DHRSX: variants seen among roughly 807,000 people sequenced by gnomAD.
The protein encoded by DHRSX is dehydrogenase/reductase X-linked, also known as polyprenol dehydrogenase.
Under a neutral mutation model 34.0 loss-of-function variants are expected in DHRSX, and 31 were observed. The ratio of observed to expected loss-of-function variants is 0.91; its 90% confidence interval spans 0.69 to 1.23. The LOEUF is 1.23. DHRSX is among the 50% of genes most tolerant of loss of function. DHRSX has a pLI of 0.00. For synonymous variants in DHRSX, 201 were observed against 183.8 expected, an observed-to-expected ratio of 1.09 and a Z score of -0.76; for missense variants, 414 against 428.1, an observed-to-expected ratio of 0.97 and a Z score of 0.29.
chrX:2,363,495 C>T (rs113445968), intron 3 of DHRSX, among the ~76,000 whole-genome samples: 38,935 of 116,424 alleles, frequency 0.33, 9,570 homozygotes, highest in Non-Finnish European at 0.47. Flanking sequence ...ATTTTATCAC[C>T]GTTCTATGGT....
At chrX:2,302,888 G>A (rs892453877) in intron 3 of DHRSX, among the ~76,000 whole-genome samples, 2 of 151,702 alleles carry the variant, frequency 1.3e-5, no homozygotes, top group African/African-American at 4.8e-5. Context: ...TTGTATCTAC[G>A]GCAGTTATCA....
chrX:2,381,286 G>C (rs1325129236), intron 3 of DHRSX, among the ~76,000 whole-genome samples: 2 of 152,102 alleles, frequency 1.3e-5, no homozygotes, highest in East Asian at 3.9e-4. Flanking sequence ...CTTCTAAAAG[G>C]GACCCCAGAG....
In DHRSX at chrX:2,372,998, C is replaced by G. The variant is rs6641963; in HGVS notation, c.286+35747G>C. Reference sequence around the variant, plus strand: ...TTCTCACGCTGCTGATAGACATACCCGAGACGGGGTAATTTATAAAGAAAA... The same window carrying G: ...TTCTCACGCTGCTGATAGACATACCGGAGACGGGGTAATTTATAAAGAAAA... On this transcript the variant is annotated intron_variant, in intron 3 of 6. Coordinates refer to ENST00000334651, the MANE Select transcript of DHRSX (RefSeq NM_145177.3). Among the ~76,000 whole-genome samples, 302 of 152,226 alleles carry G rather than the reference C, an allele frequency of 2.0e-3. 5 individuals carry two copies. The East Asian group carries it at 0.048, about 24-fold the overall frequency.
At chrX:2,468,348 C>T (rs1290652942) in intron 1 of DHRSX, among the ~76,000 whole-genome samples, 1 of 152,158 alleles carries the variant, frequency 6.6e-6, no homozygotes, top group African/African-American at 2.4e-5. Context: ...TCTGAGATGG[C>T]CACTTGCAGA....
At chrX:2,454,166 T>A (rs1943674939) in intron 1 of DHRSX, among the ~76,000 whole-genome samples, 1 of 152,052 alleles carries the variant, frequency 6.6e-6, no homozygotes, top group African/African-American at 2.4e-5. Flanking sequence ...TTCAACACAG[T>A]TTATATGACC....
At chrX:2,367,501 A>C in intron 3 of DHRSX, among the ~76,000 whole-genome samples, 1 of 152,108 alleles carries the variant, frequency 6.6e-6, no homozygotes, top group East Asian at 1.9e-4. Flanking sequence ...TTAGTTTTAC[A>C]TTGAAGCTTC....
intron 1 of DHRSX, among the ~76,000 whole-genome samples, chrX:2,470,170 C>T (rs1278497737): frequency 6.7e-6 from 1 of 149,968 alleles, no homozygotes; most frequent in East Asian, 1.9e-4. Flanking sequence ...TGTATCATCT[C>T]GTATGTAGAA....
In DHRSX at chrX:2,416,667, C is replaced by T. The variant is rs140728944; in HGVS notation, c.218-7854G>A. On this transcript the variant is annotated intron_variant, in intron 2 of 6. Transcript: ENST00000334651. ...CCCACCCCACTTTCATCTTAGATGA[C>T]AGTCCATTGAGCATTATGAAAAAAA... is the stretch of plus-strand genomic sequence containing the variant. Among the ~76,000 whole-genome samples, 814 of 152,118 alleles carry T rather than the reference C, an allele frequency of 5.4e-3. 5 individuals carry two copies. Among genetic ancestry groups the T allele is most frequent in the African/African-American group, 0.019 (780 of 41,512 alleles).
chrX:2,386,504 C>A (rs1340793170), intron 3 of DHRSX, among the ~76,000 whole-genome samples: 3 of 152,198 alleles, frequency 2.0e-5, no homozygotes, highest in Admixed American at 2.0e-4. Flanking sequence ...CAGGCGTGAG[C>A]CACTGCACCC....
chrX:2,237,457 T>C (rs2016041388), intron 6 of DHRSX, among the ~76,000 whole-genome samples: 1 of 152,000 alleles, frequency 6.6e-6, no homozygotes. Flanking sequence ...TTGCTGGACA[T>C]GAGCCCTGAA....
chrX:2,425,750 G>A (rs910363406), intron 1 of DHRSX, among the ~76,000 whole-genome samples: 31 of 152,146 alleles, frequency 2.0e-4, no homozygotes, highest in African/African-American at 7.0e-4. Context: ...GGAGACTGCC[G>A]TTAAGCAAGT....
chrX:2,440,534 C>CTT (rs376847845), intron 1 of DHRSX, among the ~76,000 whole-genome samples: 1 of 142,056 alleles, frequency 7.0e-6, no homozygotes, highest in African/African-American at 2.6e-5. Flanking sequence ...TTCTTTCTTT[C>CTT]TTTTTTTTTT....
chrX:2,371,967 T>G (rs1300118127), intron 3 of DHRSX, among the ~76,000 whole-genome samples: 1 of 152,216 alleles, frequency 6.6e-6, no homozygotes, highest in Non-Finnish European at 1.5e-5. Context: ...AGCTGGACAC[T>G]GGGCGCTTGC....
chrX:2,250,725 CTCT>C (rs1175683730), intron 5 of DHRSX, among the ~76,000 whole-genome samples: 1 of 152,152 alleles, frequency 6.6e-6, no homozygotes, highest in African/African-American at 2.4e-5. Context: ...TGCTGACCTC[CTCT>C]GTCATCCTGT....
intron 1 of DHRSX, among the ~76,000 whole-genome samples, chrX:2,447,391 C>T (rs1393287139): frequency 6.6e-6 from 1 of 152,016 alleles, no homozygotes; most frequent in Non-Finnish European, 1.5e-5. Context: ...ACGCCGTATA[C>T]ACACTGAAGA....
chrX:2,426,658 TTTC>T (rs955676209), intron 1 of DHRSX, among the ~76,000 whole-genome samples: 17 of 149,142 alleles, frequency 1.1e-4, no homozygotes, highest in African/African-American at 2.7e-4. Context: ...TCACTCCTTC[TTTC>T]TTCTTTTCCT....
chrX:2,318,719 C>T (rs748680626), intron 3 of DHRSX, among the ~76,000 whole-genome samples: 4 of 151,730 alleles, frequency 2.6e-5, no homozygotes, highest in African/African-American at 7.3e-5. Context: ...TCCCTTGTTT[C>T]GCACAGAATC....
chrX:2,225,116 A>C (rs1262895981), intron 6 of DHRSX, among the ~76,000 whole-genome samples: 6 of 150,176 alleles, frequency 4.0e-5, no homozygotes, highest in Non-Finnish European at 8.9e-5. Context: ...ACACACATGC[A>C]CACACTCATT....
At chrX:2,259,187 C>T (rs982889835) in intron 5 of DHRSX, among the ~76,000 whole-genome samples, 1 of 151,670 alleles carries the variant, frequency 6.6e-6, no homozygotes, top group African/African-American at 2.4e-5. Context: ...GCAGGAGAAT[C>T]GCTTGAACCC....
Sources: gnomAD v4.1 joint callset for allele counts (sites outside exome capture counted in the v4.1 genomes callset) on GRCh38, gnomAD v4.1.1 for gene constraint, MANE v1.5 for transcripts, NCBI Gene and HGNC (gene_info 2026-07-23, HGNC 2026-07-21) for gene names.